Variants in CNOT1 observed in about 807,000 individuals in gnomAD.
CNOT1 encodes the protein CCR4-associated factor 1.
CNOT1 carries 15 observed loss-of-function variants against 273.8 expected under a neutral mutation model. The observed-to-expected ratio is 0.05, with a 90% CI of 0.04 to 0.08. The LOEUF is 0.08. Among genes scored for constraint, CNOT1 ranks in the 10% least tolerant of loss-of-function variants. CNOT1 has a pLI of 1.00. For missense variants in CNOT1, 1,644 were observed against 2,912.2 expected (o/e 0.56, Z 10.02); for synonymous variants, 1,022 against 1,005.5 (o/e 1.02, Z -0.31).
chr16:58,541,457 A>G lies in CNOT1; in HGVS notation c.4800+44T>C, dbSNP rs1436951085. The G allele has an allele frequency of 4.4e-6, 7 of 1,589,648 alleles. No homozygotes were observed. The East Asian group carries it at 1.3e-4, about 31-fold the overall frequency. Reference sequence around the variant, plus strand: ...CATATATTAAATGTCAAAAACATTTAAATTAATTGGCAAAACACTCAATTT... The same window carrying G: ...CATATATTAAATGTCAAAAACATTTGAATTAATTGGCAAAACACTCAATTT... On this transcript the variant is annotated intron_variant, in intron 34 of 48. Transcript: ENST00000317147.
chr16:58,553,911 C>G lies in CNOT1; in HGVS notation c.2892-51G>C, dbSNP rs374425768. Reference sequence around the variant, plus strand: ...ATTTCATGTCAGAACAGAAGCATCACTAACAAAATGTTTTTGTCCAAATGC... The same window carrying G: ...ATTTCATGTCAGAACAGAAGCATCAGTAACAAAATGTTTTTGTCCAAATGC... On this transcript the variant is annotated intron_variant, in intron 21 of 48. Coordinates refer to ENST00000317147, the MANE Select transcript of CNOT1 (RefSeq NM_016284.5). 5.1e-5 allele frequency: 79 copies of G among 1,546,230 alleles called. No homozygotes were observed. In the African/African-American group the frequency reaches 9.2e-4, roughly 18 times the overall value.
intron 29 of CNOT1, 64 bp downstream of exon 29, chr16:58,546,257 C>T: frequency 7.2e-7 from 1 of 1,382,486 alleles, no homozygotes; most frequent in Non-Finnish European, 1.0e-6. Context: ...TATACATGGA[C>T]AAGTACCATT....
intron 47 of CNOT1, 117 bp downstream of exon 47, chr16:58,523,252 CA>C (rs903222270): frequency 2.7e-3 from 2,742 of 1,019,114 alleles, no homozygotes; most frequent in South Asian, 4.3e-3. Flanking sequence ...CTCAAAAAAA[CA>C]AAAAAAAAAC....
At chr16:58,622,237 C>G (rs1214039060) in intron 1 of CNOT1, among the ~76,000 whole-genome samples, 1 of 148,808 alleles carries the variant, frequency 6.7e-6, no homozygotes, top group African/African-American at 2.5e-5. Context: ...TGGCGTGAAC[C>G]CGGGTAGCAC....
At chr16:58,554,935 C>CAAAAGAGA (rs774456750) in intron 21 of CNOT1, among the ~76,000 whole-genome samples, 1 of 78,910 alleles carries the variant, frequency 1.3e-5, no homozygotes, top group Non-Finnish European at 2.4e-5. Flanking sequence ...GACTCCATCT[C>CAAAAGAGA]AAAAAAAAAA....
intron 39 of CNOT1, among the ~76,000 whole-genome samples, chr16:58,536,109 A>C (rs1216286094): frequency 6.6e-6 from 1 of 152,226 alleles, no homozygotes; most frequent in African/African-American, 2.4e-5. Context: ...TTAATTTGAA[A>C]AGAGACCTAA....
chr16:58,521,171 C>CTCA lies in CNOT1; in HGVS notation c.7052+11_7052+12insTGA. ...CTCATTCCTAGACAATTAAAAATTA[C>CTCA]TTTGAACTCACTTTTCGATTTCTGG... is the stretch of plus-strand genomic sequence containing the variant. On this transcript the variant is annotated intron_variant, in intron 48 of 48. Coordinates refer to ENST00000317147, the MANE Select transcript of CNOT1 (RefSeq NM_016284.5). 1 of 1,612,804 alleles carries CTCA rather than the reference C, an allele frequency of 6.2e-7. No individual in the cohort carries two copies. Among genetic ancestry groups the CTCA allele is most frequent in the Non-Finnish European group, 8.5e-7 (1 of 1,179,674 alleles).
chr16:58,534,353 T>G lies in CNOT1; in HGVS notation c.5689A>C (p.Arg1897=). ...ATTTCAGTACACAGACGAAAGAACCTTGTTATGAGATCATCGGTCTTCAGT... is the reference window on the plus strand; with the variant it reads ...ATTTCAGTACACAGACGAAAGAACCGTGTTATGAGATCATCGGTCTTCAGT... ...GILKTDDLIT[R]FFRLCTEMCV... The change falls in exon 40 of 49, where the codon AGG becomes CGG. Residue 1897 remains arginine (R), a synonymous_variant. Coordinates refer to ENST00000317147, the MANE Select transcript of CNOT1 (RefSeq NM_016284.5). 1 of 1,614,158 alleles carries G rather than the reference T, an allele frequency of 6.2e-7. No homozygotes were observed. Among genetic ancestry groups the G allele is most frequent in the Non-Finnish European group, 8.5e-7 (1 of 1,180,034 alleles).
intron 25 of CNOT1, among the ~76,000 whole-genome samples, chr16:58,549,362 G>GA (rs1424366050): frequency 6.9e-6 from 1 of 145,500 alleles, no homozygotes; most frequent in Non-Finnish European, 1.5e-5. Flanking sequence ...ATCCAGGGGA[G>GA]AAAAAAAAGT....
At chr16:58,590,263 G>A (rs1427081697) in intron 2 of CNOT1, among the ~76,000 whole-genome samples, 11 of 152,130 alleles carry the variant, frequency 7.2e-5, no homozygotes, top group African/African-American at 2.7e-4. Flanking sequence ...GACTCCTTGA[G>A]CCTAAAATCC....
intron 1 of CNOT1, among the ~76,000 whole-genome samples, chr16:58,600,249 G>A (rs1248399550): frequency 2.6e-5 from 3 of 114,940 alleles, no homozygotes; most frequent in Non-Finnish European, 5.6e-5. Flanking sequence ...TCGGGAGGCT[G>A]AGGCAGGGGA....
chr16:58,541,560 C>T lies in CNOT1; in HGVS notation c.4741G>A (p.Gly1581Ser). The change falls in exon 34 of 49, where the codon GGC (glycine) becomes AGC (serine). Residue 1581 changes from glycine to serine, a missense_variant. Gly to Ser is a moderately conservative substitution (Grantham distance 56). Coordinates refer to ENST00000317147, the MANE Select transcript of CNOT1 (RefSeq NM_016284.5). Reference sequence around the variant, plus strand: ...CTTAAGTCATTTGTAGGTAAGAAGCCAGGAACATTGCGTGCAAACTCTTCG... The same window carrying T: ...CTTAAGTCATTTGTAGGTAAGAAGCTAGGAACATTGCGTGCAAACTCTTCG... Reference protein sequence around the residue: ...VYEEFARNVPGFLPTNDLSQP... With the variant: ...VYEEFARNVPSFLPTNDLSQP... 1 of 1,614,010 alleles carries T rather than the reference C, an allele frequency of 6.2e-7. No individual in the cohort carries two copies. Among genetic ancestry groups the T allele is most frequent in the Non-Finnish European group, 8.5e-7 (1 of 1,179,910 alleles).
chr16:58,618,884 A>T (rs1444950733), intron 1 of CNOT1, among the ~76,000 whole-genome samples: 1 of 152,098 alleles, frequency 6.6e-6, no homozygotes, highest in Admixed American at 6.6e-5. Flanking sequence ...TGTGCCTTAA[A>T]TATTTTACAA....
Position 58,555,908 on chromosome 16 carries a change from G to A in CNOT1, c.2480C>T (p.Ser827Leu), listed in dbSNP as rs1453978528. ...CTCTGGCCACACCTGAGACAAGTCC[G>A]CTGTTGGAAACAAAAAAGGAATCAG... ...PTFQQSKMKP[S>L]DLSQVWPEAN... Residue 827 changes from serine to leucine, a missense_variant and splice_region_variant, in exon 20 of 49, where the codon TCG becomes TTG. Transcript: ENST00000317147. 2.5e-6 allele frequency: 4 copies of A among 1,611,062 alleles called. No homozygotes were observed. The highest frequency in any genetic ancestry group is 1.7e-6 in the Non-Finnish European group (2 of 1,179,858).
At chr16:58,564,673 C>T (rs907951571) in intron 16 of CNOT1, among the ~76,000 whole-genome samples, 1 of 152,114 alleles carries the variant, frequency 6.6e-6, no homozygotes, top group African/African-American at 2.4e-5. Context: ...CAGTTTCAAA[C>T]TTAGAAGTGG....
chr16:58,530,061 T>C (rs4641735), intron 43 of CNOT1, among the ~76,000 whole-genome samples, 185 bp downstream of exon 43: 1,954 of 152,226 alleles, frequency 0.013, 45 homozygotes, highest in African/African-American at 0.045. Flanking sequence ...TCTTCTACAG[T>C]TGAACATATA....
intron 39 of CNOT1, among the ~76,000 whole-genome samples, 197 bp downstream of exon 39, chr16:58,536,792 G>C (rs960349400): frequency 5.3e-5 from 8 of 152,054 alleles, no homozygotes; most frequent in Non-Finnish European, 8.8e-5. Context: ...CGGTGGGAGG[G>C]AATGTTGCCT....
At chr16:58,594,481 T>C (rs527812206) in intron 2 of CNOT1, among the ~76,000 whole-genome samples, 1 of 152,180 alleles carries the variant, frequency 6.6e-6, no homozygotes, top group South Asian at 2.1e-4. Context: ...TTTGTGAATC[T>C]GAAAAACTAC....
At chr16:58,594,868 G>C (rs1007280950) in intron 2 of CNOT1, among the ~76,000 whole-genome samples, 8 of 151,532 alleles carry the variant, frequency 5.3e-5, no homozygotes, top group Admixed American at 1.3e-4. Context: ...TGTAATCCCA[G>C]CACTTTGGGA....
Sources: gnomAD v4.1 joint callset for allele counts (sites outside exome capture counted in the v4.1 genomes callset) on GRCh38, gnomAD v4.1.1 for gene constraint, MANE v1.5 for transcripts, NCBI Gene and HGNC (gene_info 2026-07-23, HGNC 2026-07-21) for gene names.